Variants in NT5DC1 observed in about 807,000 individuals in gnomAD.
The protein encoded by NT5DC1 is 5'-nucleotidase domain-containing protein 1.
Under a neutral mutation model 59.4 loss-of-function variants are expected in NT5DC1, and 42 were observed. The ratio of observed to expected loss-of-function variants is 0.71; its 90% CI spans 0.55 to 0.92. The LOEUF is 0.92. NT5DC1 is among the 40% of genes least tolerant of loss of function. The pLI is 0.00. For missense variants in NT5DC1, 501 were observed against 537.1 expected (o/e 0.93, Z 0.66); for synonymous variants, 172 against 188.1 (o/e 0.91, Z 0.70).
Position 116,108,278 on chromosome 6 carries a change from A to T in NT5DC1, c.186-86A>T, listed in dbSNP as rs920764795. The T allele has an allele frequency of 2.2e-5, 18 of 830,724 alleles. No individual in the cohort carries two copies. In the African/African-American group the frequency reaches 3.0e-4, roughly 14 times the overall value. The allele number at this position is 830,724 out of a possible 1,614,324, so 51.5% of individuals were successfully genotyped here. On this transcript the variant is annotated intron_variant, in intron 2 of 11. Transcript: ENST00000319550. ...CTGGGTGGCAGAATCCCTTTTTAGC[A>T]TTATGATGTTTGGAAAATATAGGTT...
At chr6:116,175,985 T>G (rs1240055138) in intron 6 of NT5DC1, among the ~76,000 whole-genome samples, 1 of 152,018 alleles carries the variant, frequency 6.6e-6, no homozygotes, top group Non-Finnish European at 1.5e-5. Context: ...GTATATGAGA[T>G]TTATAATTTT....
intron 6 of NT5DC1, among the ~76,000 whole-genome samples, chr6:116,151,684 A>G (rs1037795999): frequency 5.9e-5 from 9 of 152,166 alleles, no homozygotes; most frequent in Admixed American, 5.9e-4. Flanking sequence ...AGAAACCATA[A>G]TTTTATATTT....
chr6:116,171,494 T>A (rs1374515175), intron 6 of NT5DC1, among the ~76,000 whole-genome samples: 2 of 152,224 alleles, frequency 1.3e-5, no homozygotes, highest in African/African-American at 4.8e-5. Flanking sequence ...ATAATCAGAT[T>A]TCAGACTGGT....
At chr6:116,242,324 G>C (rs1401107905) in intron 11 of NT5DC1, among the ~76,000 whole-genome samples, 6 of 152,064 alleles carry the variant, frequency 3.9e-5, no homozygotes, top group Non-Finnish European at 8.8e-5. Flanking sequence ...CTGGGCAACA[G>C]AGCAAGACTC....
Position 116,221,292 on chromosome 6 carries a change from C to T in NT5DC1, c.704+64C>T, listed in dbSNP as rs1006615045. 1.6e-5 allele frequency: 15 copies of T among 957,944 alleles called. No homozygotes were observed. The African/African-American group carries it at 1.8e-4, about 12-fold the overall frequency. The allele number at this position is 957,944 out of a possible 1,614,324, so 59.3% of individuals were successfully genotyped here. On this transcript the variant is annotated intron_variant, in intron 7 of 11. Coordinates refer to ENST00000319550, the MANE Select transcript of NT5DC1 (RefSeq NM_152729.3). ...ATACAGATAGCAAATTAGACCAGGG[C>T]TTTTTTAAAAGTGTCAGCCATGACC...
intron 6 of NT5DC1, among the ~76,000 whole-genome samples, chr6:116,167,827 G>A (rs1423174447): frequency 6.6e-6 from 1 of 152,042 alleles, no homozygotes; most frequent in Non-Finnish European, 1.5e-5. Context: ...TGTAACATTA[G>A]AGCTAAACAA....
intron 6 of NT5DC1, among the ~76,000 whole-genome samples, chr6:116,178,135 T>G (rs920004652): frequency 1.1e-4 from 15 of 135,204 alleles, no homozygotes; most frequent in South Asian, 7.0e-4. Context: ...GTGTGTGTGT[T>G]TACTAGTGGG....
At chr6:116,142,030 T>C (rs1229704590) in intron 6 of NT5DC1, among the ~76,000 whole-genome samples, 1 of 152,078 alleles carries the variant, frequency 6.6e-6, no homozygotes, top group African/African-American at 2.4e-5. Context: ...AAAGATTTGT[T>C]ACTTCTGAGT....
At chr6:116,138,413 A>G (rs1402651952) in intron 6 of NT5DC1, among the ~76,000 whole-genome samples, 5 of 152,186 alleles carry the variant, frequency 3.3e-5, no homozygotes, top group African/African-American at 9.7e-5. Context: ...TGAAAGTGTA[A>G]TCCCACTACG....
intron 11 of NT5DC1, 30 bp downstream of exon 11, chr6:116,239,153 C>T: frequency 6.6e-7 from 1 of 1,507,312 alleles, no homozygotes; most frequent in Non-Finnish European, 9.2e-7. Flanking sequence ...TAAAGCTTCA[C>T]CTGTTACTAG....
chr6:116,163,135 AAAAAAAATATATATAT>A (rs372181386), intron 6 of NT5DC1, among the ~76,000 whole-genome samples: 6,756 of 98,530 alleles, frequency 0.069, 271 homozygotes, highest in Non-Finnish European at 0.079. Flanking sequence ...TCAAAAAAAA[AAAAAAAATATATATAT>A]ATATATATAT....
At chr6:116,185,343 TTGGG>T (rs1213280827) in intron 6 of NT5DC1, among the ~76,000 whole-genome samples, 4 of 152,114 alleles carry the variant, frequency 2.6e-5, no homozygotes. Flanking sequence ...TCTGCAGTTG[TTGGG>T]TAGAAAGTTC....
intron 6 of NT5DC1, among the ~76,000 whole-genome samples, chr6:116,135,986 A>G (rs1779590799): frequency 6.6e-6 from 1 of 151,738 alleles, no homozygotes; most frequent in Admixed American, 6.6e-5. Flanking sequence ...TAAGTATATG[A>G]TACAGTATCT....
chr6:116,199,149 C>T (rs1439386671), intron 6 of NT5DC1, among the ~76,000 whole-genome samples: 1 of 151,968 alleles, frequency 6.6e-6, no homozygotes, highest in Non-Finnish European at 1.5e-5. Context: ...AGTCAAAAGC[C>T]GTAATGTATA....
intron 4 of NT5DC1, among the ~76,000 whole-genome samples, chr6:116,113,565 A>G (rs1379960711): frequency 6.6e-6 from 1 of 152,180 alleles, no homozygotes; most frequent in African/African-American, 2.4e-5. Context: ...AGGCATTGCA[A>G]GCAGCCTGGC....
At chr6:116,121,242 G>A in intron 6 of NT5DC1, 1 of 1,613,754 alleles carries the variant, frequency 6.2e-7, no homozygotes, top group Non-Finnish European at 8.5e-7. Flanking sequence ...GGCCCTGGGG[G>A]CCCAGCTATT....
At chr6:116,236,913 C>A in intron 8 of NT5DC1, 53 bp from the exon 9 acceptor site, 1 of 1,135,320 alleles carries the variant, frequency 8.8e-7, no homozygotes. Flanking sequence ...GTCTGCCCAA[C>A]TGGCTACTCT....
chr6:116,136,907 G>A (rs1582826694), intron 6 of NT5DC1, among the ~76,000 whole-genome samples: 3 of 152,282 alleles, frequency 2.0e-5, no homozygotes, highest in East Asian at 1.9e-4. Flanking sequence ...AATCCAGCCT[G>A]TGTTTGTCGT....
At chr6:116,153,245 C>G (rs968255262) in intron 6 of NT5DC1, among the ~76,000 whole-genome samples, 5 of 151,828 alleles carry the variant, frequency 3.3e-5, no homozygotes, top group Non-Finnish European at 7.4e-5. Context: ...GATTTTAGCT[C>G]TATTTATAAG....
Sources: allele counts gnomAD v4.1 joint callset (sites outside exome capture counted in the v4.1 genomes callset), GRCh38; gene constraint gnomAD v4.1.1; transcripts MANE v1.5; gene names NCBI Gene and HGNC (gene_info 2026-07-23, HGNC 2026-07-21).